CTNNA2: variants seen among roughly 807,000 people sequenced by gnomAD.
The protein encoded by CTNNA2 is catenin alpha-2.
In CTNNA2, 42 loss-of-function variants were observed where a neutral mutation model predicts 101.0. The observed-to-expected ratio is 0.42, with a 90% CI of 0.32 to 0.54. CTNNA2 has a LOEUF of 0.54. Among genes scored for constraint, CTNNA2 ranks in the 20% least tolerant of loss-of-function variants. The pLI, the probability that CTNNA2 is intolerant of heterozygous loss-of-function variation, is 0.14. For synonymous variants in CTNNA2, 450 were observed against 456.4 expected, an observed-to-expected ratio of 0.99 and a Z score of 0.18; for missense variants, 871 against 1,223.1, an observed-to-expected ratio of 0.71 and a Z score of 4.29.
At chr2:80,085,971 A>G (rs1699416601) in intron 7 of CTNNA2, among the ~76,000 whole-genome samples, 1 of 152,100 alleles carries the variant, frequency 6.6e-6, no homozygotes, top group Admixed American at 6.6e-5. Flanking sequence ...GCAAGAAAGT[A>G]TAGCTCTGTA....
intron 7 of CTNNA2, among the ~76,000 whole-genome samples, chr2:80,261,642 A>G (rs544301464): frequency 1.4e-4 from 22 of 152,292 alleles, no homozygotes; most frequent in East Asian, 9.7e-4. Context: ...TGAATACCCA[A>G]TTGAATCTCA....
At chr2:79,275,571 GA>G (rs1166285663) in intron 2 of CTNNA2, among the ~76,000 whole-genome samples, 2 of 151,426 alleles carry the variant, frequency 1.3e-5, no homozygotes, top group African/African-American at 2.4e-5. Context: ...TTTTTTTCAG[GA>G]AAAAAATAGT....
intron 18 of CTNNA2, among the ~76,000 whole-genome samples, chr2:80,620,277 C>A (rs1670978221): frequency 6.6e-6 from 1 of 151,186 alleles, no homozygotes; most frequent in Admixed American, 6.6e-5. Context: ...AATATACATC[C>A]CTGGTTGGCT....
chr2:79,284,847 C>T (rs1455510980), intron 2 of CTNNA2, among the ~76,000 whole-genome samples: 1 of 144,810 alleles, frequency 6.9e-6, no homozygotes. Context: ...ACCAGTTCCT[C>T]CTTGTACCTC....
chr2:80,065,978 A>G (rs1176936081), intron 7 of CTNNA2, among the ~76,000 whole-genome samples: 4 of 152,164 alleles, frequency 2.6e-5, no homozygotes, highest in Non-Finnish European at 5.9e-5. Context: ...GACTTTACCC[A>G]AACTTGTTCC....
rs547992897 is a variant in CTNNA2 at position 79,988,490 on chromosome 2, GTGTGTGTGTGTA to G, written c.1056+78695_1056+78706del. 6.5e-3 allele frequency among the ~76,000 whole-genome samples: 955 copies of G among 146,462 alleles called. 18 individuals are homozygous for G. The highest frequency in any genetic ancestry group is 0.025 in the African/African-American group (908 of 36,430). On this transcript the variant is annotated intron_variant, in intron 7 of 18. Coordinates refer to ENST00000402739, the MANE Select transcript of CTNNA2 (RefSeq NM_001282597.3). ...TATGTGTGTGTGTGTGTGTGTGTGT[GTGTGTGTGTGTA>G]TTAGCTTCTATGTGAGGAGCCACAC...
intron 7 of CTNNA2, among the ~76,000 whole-genome samples, chr2:80,235,074 T>C (rs1709472869): frequency 1.3e-5 from 2 of 152,214 alleles, no homozygotes; most frequent in Admixed American, 1.3e-4. Context: ...CTTATGTTTA[T>C]TAAAATTTAG....
chr2:80,608,964 A>G (rs531402777), intron 17 of CTNNA2, among the ~76,000 whole-genome samples: 3 of 152,004 alleles, frequency 2.0e-5, no homozygotes, highest in South Asian at 4.1e-4. Context: ...AATAAGTTCA[A>G]TGAATATTTA....
At chr2:80,426,198 G>T (rs779067967) in intron 9 of CTNNA2, among the ~76,000 whole-genome samples, 1 of 152,244 alleles carries the variant, frequency 6.6e-6, no homozygotes, top group South Asian at 2.1e-4. Context: ...AACACCTGTG[G>T]TACCTCACGT....
At chr2:79,210,017 A>T (rs1674150490) in intron 2 of CTNNA2, among the ~76,000 whole-genome samples, 1 of 151,470 alleles carries the variant, frequency 6.6e-6, no homozygotes, top group Non-Finnish European at 1.5e-5. Flanking sequence ...GACAGGAATT[A>T]TGACCATCCA....
rs553686023 is a variant in CTNNA2 at position 80,522,521 on chromosome 2, A to C, written c.1291-22461A>C. Among the ~76,000 whole-genome samples, 55 of 152,320 alleles carry C rather than the reference A, an allele frequency of 3.6e-4. 1 individual carries two copies. The South Asian group carries it at 3.7e-3, about 10-fold the overall frequency. On this transcript the variant is annotated intron_variant, in intron 9 of 18. Coordinates refer to ENST00000402739, the MANE Select transcript of CTNNA2 (RefSeq NM_001282597.3). ...TGCTGTTAAAGGTGACGGGACTTTAATTGCCGAGTAGGAATCTTAGTTTTC... is the reference window on the plus strand; with the variant it reads ...TGCTGTTAAAGGTGACGGGACTTTACTTGCCGAGTAGGAATCTTAGTTTTC...
rs866844683 is a variant in CTNNA2, at chr2:80,280,917, C to T, written c.1057-112294C>T. ...CATCTACTGGGGGTCTTAGAATATA[C>T]TCCTGCCAATAAGGGAGAGAGTATT... On this transcript the variant is annotated intron_variant, in intron 7 of 18. Transcript: ENST00000402739. Among the ~76,000 whole-genome samples the T allele has an allele frequency of 2.6e-4, 40 of 152,204 alleles. No individual in the cohort carries two copies. In the Middle Eastern group the frequency reaches 0.01, roughly 39 times the overall value.
At chr2:79,446,463 G>A (rs2104523135) in intron 4 of CTNNA2, among the ~76,000 whole-genome samples, 1 of 152,136 alleles carries the variant, frequency 6.6e-6, no homozygotes, top group South Asian at 2.1e-4. Context: ...ACACCACCGT[G>A]GTTTCTTTCA....
intron 7 of CTNNA2, among the ~76,000 whole-genome samples, chr2:80,096,387 G>C (rs999255323): frequency 6.6e-6 from 1 of 152,112 alleles, no homozygotes; most frequent in South Asian, 2.1e-4. Flanking sequence ...TATAATTTCT[G>C]TTCTTTTACA....
chr2:80,109,123 C>T (rs181355420), intron 7 of CTNNA2, among the ~76,000 whole-genome samples: 2 of 152,294 alleles, frequency 1.3e-5, no homozygotes, highest in Non-Finnish European at 2.9e-5. Flanking sequence ...GTTCCATGAA[C>T]AAAGTGTTTT....
intron 4 of CTNNA2, among the ~76,000 whole-genome samples, chr2:79,401,403 T>C (rs1056240871): frequency 6.6e-6 from 1 of 151,636 alleles, no homozygotes; most frequent in Admixed American, 6.6e-5. Flanking sequence ...TCAATAATTG[T>C]CAATTATGTA....
intron 13 of CTNNA2, chr2:80,576,102 T>G (rs553134838): frequency 6.6e-6 from 1 of 152,282 alleles, no homozygotes; most frequent in East Asian, 1.9e-4. Flanking sequence ...CCCAAAACAT[T>G]TGACCATACC....
intron 2 of CTNNA2, among the ~76,000 whole-genome samples, chr2:79,291,496 G>A (rs185260584): frequency 6.6e-6 from 1 of 152,120 alleles, no homozygotes; most frequent in African/African-American, 2.4e-5. Flanking sequence ...ACCCCAAATT[G>A]CCAGGCATCC....
chr2:79,385,364 G>A (rs906581067), intron 4 of CTNNA2, among the ~76,000 whole-genome samples: 7 of 151,964 alleles, frequency 4.6e-5, no homozygotes, highest in Non-Finnish European at 5.9e-5. Flanking sequence ...CACTTCTTCC[G>A]CCTATATTCC....
Sources: allele counts gnomAD v4.1 joint callset (sites outside exome capture counted in the v4.1 genomes callset), GRCh38; gene constraint gnomAD v4.1.1; transcripts MANE v1.5; gene names NCBI Gene and HGNC (gene_info 2026-07-23, HGNC 2026-07-21).